PCDH11Y: variants seen among roughly 807,000 people sequenced by gnomAD.
The protein encoded by PCDH11Y is protocadherin 11 Y-linked, also known as protocadherin-11 Y-linked.
For synonymous variants in PCDH11Y, 9 were observed against 83.6 expected, an observed-to-expected ratio of 0.11 and a Z score of 4.87; for missense variants, 12 against 224.8, an observed-to-expected ratio of 0.05 and a Z score of 6.05.
chrY:5,708,585 T>C (rs2124712796), intron 4 of PCDH11Y, among the ~76,000 whole-genome samples: 1 of 33,230 alleles, frequency 3.0e-5, no homozygotes, highest in East Asian at 7.9e-4. Flanking sequence ...CCTTAAAAAA[T>C]GAGGTATAAG....
chrY:5,472,549 T>C (rs2053315010), intron 2 of PCDH11Y, among the ~76,000 whole-genome samples: 1 of 32,505 alleles, frequency 3.1e-5, no homozygotes, highest in South Asian at 6.7e-4. Context: ...ATTTATTTTA[T>C]TCATTTGAAA....
chrY:5,546,832 A>G (rs2053413369), intron 3 of PCDH11Y, among the ~76,000 whole-genome samples: 3 of 33,138 alleles, frequency 9.1e-5, no homozygotes, highest in African/African-American at 3.5e-4. Flanking sequence ...TATAAAACGG[A>G]TATAACAGAG....
chrY:5,299,239 T>C, intron 2 of PCDH11Y, among the ~76,000 whole-genome samples: 1 of 33,180 alleles, frequency 3.0e-5, no homozygotes, highest in East Asian at 7.9e-4. Context: ...ACTATAGTTA[T>C]AGAGACAGAA....
chrY:5,710,780 A>T, intron 4 of PCDH11Y, among the ~76,000 whole-genome samples: 1 of 33,105 alleles, frequency 3.0e-5, no homozygotes, highest in Non-Finnish European at 7.4e-5. Flanking sequence ...GTCTGAGAGG[A>T]CAAGCGGTCT....
chrY:5,539,955 C>A, intron 3 of PCDH11Y, among the ~76,000 whole-genome samples: 1 of 32,634 alleles, frequency 3.1e-5, no homozygotes, highest in Non-Finnish European at 7.6e-5. Flanking sequence ...ATATAATGAC[C>A]TGCCCAAGGT....
At chrY:5,191,389 C>A (rs2124648345) in intron 2 of PCDH11Y, among the ~76,000 whole-genome samples, 1 of 32,462 alleles carries the variant, frequency 3.1e-5, no homozygotes, top group East Asian at 8.2e-4. Flanking sequence ...TTAACAGGCA[C>A]GTATTTTTAA....
intron 2 of PCDH11Y, among the ~76,000 whole-genome samples, chrY:5,381,980 A>T (rs2053205687): frequency 9.8e-4 from 33 of 33,746 alleles, no homozygotes; most frequent in African/African-American, 3.8e-3. Flanking sequence ...CACTTCCAAA[A>T]ATCTGTCACT....
intron 3 of PCDH11Y, among the ~76,000 whole-genome samples, chrY:5,520,174 G>A (rs2053378953): frequency 1.4e-3 from 38 of 26,889 alleles, no homozygotes; most frequent in Non-Finnish European, 2.1e-3. Context: ...AGACGAGATC[G>A]CGCCACTGCA....
intron 4 of PCDH11Y, among the ~76,000 whole-genome samples, chrY:5,632,010 T>C (rs2124703782): frequency 3.0e-5 from 1 of 33,193 alleles, no homozygotes; most frequent in South Asian, 6.8e-4. Flanking sequence ...AATTATTAGC[T>C]ATATGGTCAT....
chrY:5,296,531 A>T, intron 2 of PCDH11Y, among the ~76,000 whole-genome samples: 1 of 32,430 alleles, frequency 3.1e-5, no homozygotes, highest in Non-Finnish European at 7.6e-5. Context: ...GCTTTCTTAG[A>T]GCCAGGGATT....
intron 2 of PCDH11Y, among the ~76,000 whole-genome samples, chrY:5,128,914 T>C (rs1432496589): frequency 7.4e-3 from 248 of 33,515 alleles, no homozygotes; most frequent in Middle Eastern, 0.043. Flanking sequence ...AATCATGGCA[T>C]TTGTTAGATT....
At chrY:5,310,223 G>GA (rs2053097986) in intron 2 of PCDH11Y, among the ~76,000 whole-genome samples, 1 of 30,283 alleles carries the variant, frequency 3.3e-5, no homozygotes, top group African/African-American at 1.3e-4. Context: ...AAAGACTAAA[G>GA]AAAAAATGTT....
intron 2 of PCDH11Y, among the ~76,000 whole-genome samples, chrY:5,435,433 C>T (rs2053273841): frequency 3.3e-5 from 1 of 29,920 alleles, no homozygotes; most frequent in Admixed American, 3.0e-4. Flanking sequence ...CCTGCCTCAG[C>T]CTCCCGAGTA....
At chrY:5,536,981 A>C in intron 3 of PCDH11Y, among the ~76,000 whole-genome samples, 1 of 32,773 alleles carries the variant, frequency 3.1e-5, no homozygotes, top group East Asian at 8.1e-4. Context: ...TATAGTATAA[A>C]GTCAGGTAAT....
intron 3 of PCDH11Y, among the ~76,000 whole-genome samples, chrY:5,046,424 GGGGGTCA>G (rs2052639551): frequency 3.0e-5 from 1 of 33,658 alleles, no homozygotes; most frequent in Admixed American, 2.7e-4. Flanking sequence ...TAGGCTGCTC[GGGGGTCA>G]GGGGTCAGGG....
chrY:5,555,343 A>G, intron 3 of PCDH11Y, among the ~76,000 whole-genome samples: 1 of 31,893 alleles, frequency 3.1e-5, no homozygotes, highest in African/African-American at 1.2e-4. Flanking sequence ...TTGCGTTTTC[A>G]TGGATGAGAA....
At chrY:5,713,769 A>G in intron 4 of PCDH11Y, among the ~76,000 whole-genome samples, 1 of 30,963 alleles carries the variant, frequency 3.2e-5, no homozygotes, top group Non-Finnish European at 7.7e-5. Flanking sequence ...TTAAAATAGA[A>G]GAAAGAACTT....
chrY:5,328,577 G>A, intron 2 of PCDH11Y, among the ~76,000 whole-genome samples: 2 of 32,798 alleles, frequency 6.1e-5, no homozygotes, highest in Non-Finnish European at 1.5e-4. Context: ...CATGAACTGG[G>A]CTGGATTTTT....
At chrY:5,108,300 TATG>T (rs2052796787), downstream of PCDH11Y, among the ~76,000 whole-genome samples, 1 of 32,824 alleles carries the variant, frequency 3.0e-5, no homozygotes, top group African/African-American at 1.2e-4. Context: ...TTTTTAATGA[TATG>T]ATATTTAAGC....
Sources: allele counts gnomAD v4.1 joint callset (sites outside exome capture counted in the v4.1 genomes callset), GRCh38; gene constraint gnomAD v4.1.1; transcripts MANE v1.5; gene names NCBI Gene and HGNC (gene_info 2026-07-23, HGNC 2026-07-21).